PHF24: variants seen among roughly 807,000 people sequenced by gnomAD.
The protein encoded by PHF24 is PHD finger protein 24.
Under a neutral mutation model 42.6 loss-of-function variants are expected in PHF24, and 25 were observed. The ratio of observed to expected loss-of-function variants is 0.59; its 90% CI spans 0.43 to 0.82. PHF24 has a LOEUF of 0.82. Among genes scored for constraint, PHF24 ranks in the 40% least tolerant of loss-of-function variants. The pLI is 0.00. For missense variants in PHF24, 470 were observed against 538.1 expected (o/e 0.87, Z 1.25); for synonymous variants, 185 against 204.8 (o/e 0.90, Z 0.83).
chr9:34,771,685 C>T, the PHF24 span, among the ~76,000 whole-genome samples: 1 of 151,678 alleles, frequency 6.6e-6, no homozygotes, highest in Non-Finnish European at 1.5e-5. Flanking sequence ...CCACTGCTAT[C>T]AAGGTACAGA....
At chr9:34,895,357 G>A in the PHF24 span, among the ~76,000 whole-genome samples, 3 of 152,142 alleles carry the variant, frequency 2.0e-5, no homozygotes, top group Non-Finnish European at 2.9e-5. Flanking sequence ...AGGAAAAGTG[G>A]AACAGATTAA....
the PHF24 span, among the ~76,000 whole-genome samples, chr9:34,893,925 G>C: frequency 6.6e-6 from 1 of 152,162 alleles, no homozygotes; most frequent in Non-Finnish European, 1.5e-5. Flanking sequence ...TGGTATCCCT[G>C]CTGATATACT....
the PHF24 span, among the ~76,000 whole-genome samples, chr9:34,938,934 C>CAAAAAAAAAA: frequency 1.6e-5 from 1 of 63,440 alleles, no homozygotes; most frequent in Non-Finnish European, 2.7e-5. Context: ...GAGACTCCAT[C>CAAAAAAAAAA]AAAAAAAAAA....
At chr9:34,681,321 G>T in the PHF24 span, 1 of 152,180 alleles carries the variant, frequency 6.6e-6, no homozygotes, top group Non-Finnish European at 1.5e-5. Flanking sequence ...AGGTGTGTTG[G>T]TGGTGGTTAC....
At chr9:34,748,148 G>A in the PHF24 span, among the ~76,000 whole-genome samples, 1 of 152,126 alleles carries the variant, frequency 6.6e-6, no homozygotes, top group Non-Finnish European at 1.5e-5. Context: ...GAGTTTTGAG[G>A]TGCTAGTAAC....
chr9:34,765,747 T>A, the PHF24 span, among the ~76,000 whole-genome samples: 1 of 152,204 alleles, frequency 6.6e-6, no homozygotes, highest in Non-Finnish European at 1.5e-5. Context: ...GTTGTTATGA[T>A]GTTAGCTGGT....
the PHF24 span, among the ~76,000 whole-genome samples, chr9:34,923,858 G>C: frequency 1.3e-5 from 2 of 151,214 alleles, no homozygotes; most frequent in Non-Finnish European, 3.0e-5. Flanking sequence ...TTTTGAGTTT[G>C]GTTTGCCCTT....
the PHF24 span, among the ~76,000 whole-genome samples, chr9:34,890,698 T>C: frequency 6.6e-6 from 1 of 152,212 alleles, no homozygotes; most frequent in Non-Finnish European, 1.5e-5. Context: ...AGATATTCTT[T>C]GGGATGGTGA....
chr9:34,889,326 TTGGC>T, the PHF24 span: 2 of 398,504 alleles, frequency 5.0e-6, no homozygotes, highest in Non-Finnish European at 8.8e-6. Flanking sequence ...GGACCCAGGA[TTGGC>T]TGGACTGAAG....
chr9:34,684,530 T>C, the PHF24 span, among the ~76,000 whole-genome samples: 6 of 152,068 alleles, frequency 3.9e-5, no homozygotes, highest in African/African-American at 1.4e-4. Flanking sequence ...GGTGGCTTGA[T>C]AGTAATGGGG....
At chr9:34,971,252 C>T (rs746573110) in intron 1 of PHF24, 43 bp from the exon 2 acceptor site, 17 of 1,543,520 alleles carry the variant, frequency 1.1e-5, no homozygotes, top group Admixed American at 1.9e-5. Flanking sequence ...CTGACATCCT[C>T]AGCCATTGGC....
At chr9:34,769,063 A>G in the PHF24 span, among the ~76,000 whole-genome samples, 1 of 152,230 alleles carries the variant, frequency 6.6e-6, no homozygotes, top group Non-Finnish European at 1.5e-5. Flanking sequence ...ATACCCAGAA[A>G]CAAAATATGT....
the PHF24 span, among the ~76,000 whole-genome samples, chr9:34,766,205 C>T: frequency 6.6e-6 from 1 of 152,170 alleles, no homozygotes; most frequent in South Asian, 2.1e-4. Flanking sequence ...CGAATGGTAT[C>T]TTTGTGGTGT....
chr9:34,750,041 G>A, the PHF24 span, among the ~76,000 whole-genome samples: 2 of 152,104 alleles, frequency 1.3e-5, no homozygotes, highest in Non-Finnish European at 2.9e-5. Context: ...AACAAAAGCT[G>A]AGGAATTTCA....
chr9:34,721,298 C>G, the PHF24 span, among the ~76,000 whole-genome samples: 1 of 152,026 alleles, frequency 6.6e-6, no homozygotes, highest in African/African-American at 2.4e-5. Context: ...TTTTGAAAAG[C>G]CATTTTGGGT....
the PHF24 span, among the ~76,000 whole-genome samples, chr9:34,727,347 A>G: frequency 2.0e-5 from 3 of 152,298 alleles, no homozygotes; most frequent in Admixed American, 2.0e-4. Context: ...ACCAGTTAGA[A>G]CCCAGACCAG....
chr9:34,799,868 A>C, the PHF24 span, among the ~76,000 whole-genome samples: 1 of 152,160 alleles, frequency 6.6e-6, no homozygotes, highest in Non-Finnish European at 1.5e-5. Flanking sequence ...TTAAGTGGTG[A>C]CATTATCATT....
chr9:34,834,103 A>G, the PHF24 span: 1 of 1,375,452 alleles, frequency 7.3e-7, no homozygotes, highest in Non-Finnish European at 9.8e-7. Flanking sequence ...TAACTTTGTG[A>G]TGTAGGTCTG....
chr9:34,947,917 A>G, the PHF24 span, among the ~76,000 whole-genome samples: 2 of 152,066 alleles, frequency 1.3e-5, no homozygotes, highest in East Asian at 1.9e-4. Flanking sequence ...GACCATCCTG[A>G]CTAACACGGT....
Sources: allele counts gnomAD v4.1 joint callset (sites outside exome capture counted in the v4.1 genomes callset), GRCh38; gene constraint gnomAD v4.1.1; transcripts MANE v1.5; gene names NCBI Gene and HGNC (gene_info 2026-07-23, HGNC 2026-07-21).